The following CABIN1 variants were observed in gnomAD, a reference collection of about 807,000 sequenced individuals.
CABIN1 encodes the protein calcineurin binding protein 1.
Under a neutral mutation model 227.7 loss-of-function variants are expected in CABIN1, and 133 were observed. That is an observed-to-expected ratio of 0.58 (90% CI 0.51 to 0.67). The LOEUF (loss-of-function observed/expected upper bound fraction) is 0.67. Among genes scored for constraint, CABIN1 ranks in the 30% least tolerant of loss-of-function variants. The pLI is 0.00. For missense variants in CABIN1, 2,408 were observed against 2,852.5 expected, an observed-to-expected ratio of 0.84 and a Z score of 3.55; for synonymous variants, 1,086 against 1,155.1, an observed-to-expected ratio of 0.94 and a Z score of 1.21.
intron 8 of CABIN1, among the ~76,000 whole-genome samples, chr22:24,052,779 G>A (rs868217230): frequency 1.9e-4 from 27 of 145,882 alleles, no homozygotes; most frequent in African/African-American, 6.4e-4. Context: ...GACAGAGCAA[G>A]ACCCCCATCT....
chr22:24,087,721 G>A lies in CABIN1; in HGVS notation c.3525+8G>A, dbSNP rs758313977. Reference sequence around the variant, plus strand: ...CCTGAGCTCGTGCAGCAGGTGAGGAGGGGGTGCTGCAGATGGGCTTGCCAT... The same window carrying A: ...CCTGAGCTCGTGCAGCAGGTGAGGAAGGGGTGCTGCAGATGGGCTTGCCAT... On this transcript the variant is annotated splice_region_variant and intron_variant, in intron 23 of 36. Transcript: ENST00000263119. 11 of 1,613,262 alleles carry A rather than the reference G, an allele frequency of 6.8e-6. No individual in the cohort carries two copies. The South Asian group carries it at 1.2e-4, about 18-fold the overall frequency.
At chr22:24,144,196 A>G (rs1218901410) in intron 29 of CABIN1, among the ~76,000 whole-genome samples, 5 of 152,208 alleles carry the variant, frequency 3.3e-5, no homozygotes, top group South Asian at 2.1e-4. Context: ...CTCAGCCACT[A>G]TGTCGTTGGA....
intron 29 of CABIN1, among the ~76,000 whole-genome samples, chr22:24,135,567 C>T (rs1379732557): frequency 6.6e-6 from 1 of 152,182 alleles, no homozygotes; most frequent in Non-Finnish European, 1.5e-5. Flanking sequence ...CTACCCTCCC[C>T]CATTTCCTCT....
chr22:24,036,827 A>G (rs1323278817), intron 3 of CABIN1, among the ~76,000 whole-genome samples: 1 of 152,188 alleles, frequency 6.6e-6, no homozygotes, highest in Non-Finnish European at 1.5e-5. Context: ...GAGCTGTCTC[A>G]GAAGTCTACT....
At chr22:24,070,608 C>T (rs1314864768) in intron 16 of CABIN1, among the ~76,000 whole-genome samples, 192 bp from the exon 17 acceptor site, 3 of 152,260 alleles carry the variant, frequency 2.0e-5, no homozygotes, top group African/African-American at 7.2e-5. Flanking sequence ...TTCTCTGCTG[C>T]CATTGCACAC....
chr22:24,173,446 C>T (rs2046941622), intron 34 of CABIN1: 1 of 152,214 alleles, frequency 6.6e-6, no homozygotes, highest in African/African-American at 2.4e-5. Context: ...GGTCGTGGCC[C>T]TGTGAGACAA....
intron 24 of CABIN1, among the ~76,000 whole-genome samples, chr22:24,094,005 C>T (rs1048179722): frequency 9.2e-5 from 14 of 152,224 alleles, no homozygotes; most frequent in African/African-American, 3.1e-4. Context: ...TCATTCGCGG[C>T]GTTGGATCTC....
chr22:24,143,417 G>A (rs1298798790), intron 29 of CABIN1, among the ~76,000 whole-genome samples: 1 of 152,192 alleles, frequency 6.6e-6, no homozygotes, highest in African/African-American at 2.4e-5. Context: ...ATTCCCTTGG[G>A]TTGCGGGACT....
At chr22:24,088,794 A>T (rs1462528988) in intron 23 of CABIN1, among the ~76,000 whole-genome samples, 1 of 152,212 alleles carries the variant, frequency 6.6e-6, no homozygotes, top group Admixed American at 6.5e-5. Flanking sequence ...CTAGAAAAAA[A>T]CACCAATCTA....
intron 29 of CABIN1, among the ~76,000 whole-genome samples, chr22:24,147,098 T>C (rs1057466847): frequency 3.3e-5 from 5 of 152,238 alleles, no homozygotes; most frequent in African/African-American, 9.6e-5. Context: ...TGCCCCCAGC[T>C]GCCCTGGGTA....
chr22:24,125,597 A>G (rs1287848972), intron 28 of CABIN1, among the ~76,000 whole-genome samples: 1 of 152,234 alleles, frequency 6.6e-6, no homozygotes, highest in African/African-American at 2.4e-5. Context: ...AGCCAGGACC[A>G]CACAGATAGT....
At chr22:24,031,135 G>A (rs148646208) in intron 1 of CABIN1, among the ~76,000 whole-genome samples, 1 of 152,290 alleles carries the variant, frequency 6.6e-6, no homozygotes, top group African/African-American at 2.4e-5. Context: ...CCCCTCCCTT[G>A]TTTTTCCCTA....
intron 34 of CABIN1, among the ~76,000 whole-genome samples, chr22:24,173,700 G>C (rs921900347): frequency 1.3e-5 from 2 of 152,150 alleles, no homozygotes; most frequent in Non-Finnish European, 2.9e-5. Context: ...TGGGTGTGGT[G>C]GTGGGTACCT....
At chr22:24,057,358 T>G (rs913448458) in intron 10 of CABIN1, among the ~76,000 whole-genome samples, 2 of 152,152 alleles carry the variant, frequency 1.3e-5, no homozygotes, top group Non-Finnish European at 2.9e-5. Flanking sequence ...CCCTTTCTCC[T>G]CCCTTAGCTG....
At chr22:24,102,362 G>T (rs2042253137) in intron 26 of CABIN1, 3 of 152,274 alleles carry the variant, frequency 2.0e-5, no homozygotes. Flanking sequence ...CAGAATGCCA[G>T]AGCCAGAAAA....
rs17640355 is a variant in CABIN1, at chr22:24,048,858, A to G, written c.527-233A>G. On this transcript the variant is annotated intron_variant, in intron 6 of 36. Transcript: ENST00000263119. ...GTGTGTAATTGCCTATGGTCCTCCA[A>G]AAAGATCCTACGGTCTGTCCTCTGC... 0.027 allele frequency among the ~76,000 whole-genome samples: 4,118 copies of G among 152,304 alleles called. 70 individuals are homozygous for G. Among genetic ancestry groups the G allele is most frequent in the Non-Finnish European group, 0.043 (2,925 of 68,016 alleles).
At position 24,076,225 on chromosome 22, in the gene CABIN1, G is replaced by A. The variant is rs776740517; in HGVS notation, c.2689G>A (p.Glu897Lys). 6.2e-6 allele frequency: 10 copies of A among 1,614,000 alleles called. No individual in the cohort carries two copies. Among genetic ancestry groups the A allele is most frequent in the South Asian group, 2.2e-5 (2 of 91,076 alleles). The part of the protein sequence containing the change: ...SSLMLLNTAH[E>K]YLGRRSWCCN... ...CCTCATGCTGCTGAACACAGCCCAC[G>A]AGTATTTGGGCAGAAGGTCCTGGTG... Residue 897 changes from glutamate to lysine, a missense_variant, in exon 19 of 37, where the codon GAG (glutamate) becomes AAG (lysine). Transcript: ENST00000263119.
chr22:24,178,253 C>A lies in CABIN1; in HGVS notation c.*57C>A. On this transcript the variant is annotated 3_prime_UTR_variant, in exon 37 of 37. Transcript: ENST00000263119. ...GGGGACCAGCCAGGCCTGGAATGCC[C>A]CCTGGGCAGGACCCTGGGCAGGACC... 1 of 1,604,078 alleles carries A rather than the reference C, an allele frequency of 6.2e-7. No individual in the cohort carries two copies. Among genetic ancestry groups the A allele is most frequent in the South Asian group, 1.1e-5 (1 of 90,512 alleles).
At chr22:24,118,385 C>T (rs176159) in intron 27 of CABIN1, among the ~76,000 whole-genome samples, 12,027 of 152,198 alleles carry the variant, frequency 0.079, 529 homozygotes, top group South Asian at 0.11. Flanking sequence ...AGATAGGCTT[C>T]GACTTAGCAT....
Sources: gnomAD v4.1 joint callset for allele counts (sites outside exome capture counted in the v4.1 genomes callset) on GRCh38, gnomAD v4.1.1 for gene constraint, MANE v1.5 for transcripts, NCBI Gene and HGNC (gene_info 2026-07-23, HGNC 2026-07-21) for gene names.